The following CATSPERB variants were observed in gnomAD, a reference collection of about 807,000 sequenced individuals.
CATSPERB encodes catsper channel auxiliary subunit beta.
CATSPERB carries 93 observed loss-of-function variants against 128.3 expected under a neutral mutation model. The ratio of observed to expected loss-of-function variants is 0.72; its 90% CI spans 0.61 to 0.86. CATSPERB has a LOEUF of 0.86. Among genes scored for constraint, CATSPERB ranks in the 40% least tolerant of loss-of-function variants. The probability of loss-of-function intolerance (pLI) is 0.00; values close to 1 mark genes in which losing one functional copy is unlikely to be tolerated. For synonymous variants in CATSPERB, 381 were observed against 448.8 expected (o/e 0.85, Z 1.91); for missense variants, 1,153 against 1,329.5 (o/e 0.87, Z 2.06).
At chr14:91,729,926 T>C (rs540925194) in intron 1 of CATSPERB, among the ~76,000 whole-genome samples, 2 of 152,180 alleles carry the variant, frequency 1.3e-5, no homozygotes, top group South Asian at 4.2e-4. Flanking sequence ...AGGCCCTGGA[T>C]GGTGTTCATC....
At chr14:91,617,238 C>T (rs1390636717) in intron 20 of CATSPERB, among the ~76,000 whole-genome samples, 1 of 152,014 alleles carries the variant, frequency 6.6e-6, no homozygotes, top group Non-Finnish European at 1.5e-5. Context: ...TATTAAATTG[C>T]CAAGATTTCA....
At chr14:91,653,926 C>T (rs1342937824) in intron 15 of CATSPERB, among the ~76,000 whole-genome samples, 1 of 152,192 alleles carries the variant, frequency 6.6e-6, no homozygotes, top group African/African-American at 2.4e-5. Flanking sequence ...CAAGTCCTAT[C>T]TAAATGAGGT....
intron 14 of CATSPERB, among the ~76,000 whole-genome samples, chr14:91,669,425 C>G (rs1015864788): frequency 6.6e-6 from 1 of 151,666 alleles, no homozygotes; most frequent in African/African-American, 2.4e-5. Context: ...ACTTAAAGAA[C>G]AACAGAGCCA....
intron 19 of CATSPERB, 54 bp from the exon 20 acceptor site, chr14:91,617,790 T>C (rs1893971625): frequency 1.6e-6 from 2 of 1,245,880 alleles, no homozygotes; most frequent in Admixed American, 4.6e-5. Flanking sequence ...GTAAACTCAA[T>C]TGAATAATGA....
At chr14:91,615,861 T>C (rs1893925899) in intron 20 of CATSPERB, among the ~76,000 whole-genome samples, 2 of 149,944 alleles carry the variant, frequency 1.3e-5, no homozygotes, top group African/African-American at 4.9e-5. Context: ...TTTTAGTTTT[T>C]TGAGGATCAT....
At chr14:91,667,357 A>G (rs1263020758) in intron 14 of CATSPERB, among the ~76,000 whole-genome samples, 1 of 152,126 alleles carries the variant, frequency 6.6e-6, no homozygotes, top group Non-Finnish European at 1.5e-5. Flanking sequence ...AGGCAGGGAA[A>G]TACCAGCAGA....
At chr14:91,625,995 CA>C (rs1365429595) in intron 17 of CATSPERB, among the ~76,000 whole-genome samples, 5 of 152,262 alleles carry the variant, frequency 3.3e-5, no homozygotes, top group African/African-American at 1.2e-4. Flanking sequence ...TATGGTGGCA[CA>C]TGCCTGTAAT....
chr14:91,614,065 C>T (rs935763342), intron 20 of CATSPERB, among the ~76,000 whole-genome samples: 4 of 152,174 alleles, frequency 2.6e-5, no homozygotes, highest in African/African-American at 9.7e-5. Context: ...AATAAACTCC[C>T]TTGCCGCACG....
intron 7 of CATSPERB, among the ~76,000 whole-genome samples, chr14:91,701,886 G>A (rs111985855): frequency 0.015 from 2,247 of 145,692 alleles, 57 homozygotes; most frequent in African/African-American, 0.054. Flanking sequence ...ATTCCAGCCT[G>A]GGCAACAGAG....
intron 7 of CATSPERB, among the ~76,000 whole-genome samples, chr14:91,695,328 G>A (rs1020007533): frequency 2.0e-5 from 3 of 151,898 alleles, no homozygotes; most frequent in African/African-American, 7.3e-5. Flanking sequence ...ACAGGGTTTT[G>A]CCATGTTGGC....
intron 24 of CATSPERB, among the ~76,000 whole-genome samples, chr14:91,588,477 C>T (rs1893342638): frequency 6.6e-6 from 1 of 152,076 alleles, no homozygotes; most frequent in South Asian, 2.1e-4. Flanking sequence ...ATCTCAGGAC[C>T]TCCTTAGTGA....
At chr14:91,650,488 G>GTTC (rs1425001869) in intron 15 of CATSPERB, among the ~76,000 whole-genome samples, 1 of 152,168 alleles carries the variant, frequency 6.6e-6, no homozygotes, top group Non-Finnish European at 1.5e-5. Flanking sequence ...TTTTTTGGAG[G>GTTC]TTCTATATTA....
intron 9 of CATSPERB, among the ~76,000 whole-genome samples, chr14:91,692,491 A>C (rs1895489894): frequency 6.6e-6 from 1 of 152,210 alleles, no homozygotes; most frequent in African/African-American, 2.4e-5. Context: ...GATGGTGAGG[A>C]AGGCTCAGGT....
chr14:91,636,144 C>T (rs1304358760), intron 17 of CATSPERB: 1 of 284,036 alleles, frequency 3.5e-6, no homozygotes, highest in Non-Finnish European at 6.5e-6. Flanking sequence ...GGGTGAATCC[C>T]TTGAGCTCAG....
At chr14:91,648,316 C>T (rs1430775331) in intron 15 of CATSPERB, among the ~76,000 whole-genome samples, 3 of 152,134 alleles carry the variant, frequency 2.0e-5, no homozygotes, top group Non-Finnish European at 2.9e-5. Flanking sequence ...TTTAGCTTGA[C>T]TCAAATGGAA....
chr14:91,583,242 C>T (rs1263424395), intron 26 of CATSPERB, among the ~76,000 whole-genome samples: 1 of 152,188 alleles, frequency 6.6e-6, no homozygotes, highest in Non-Finnish European at 1.5e-5. Context: ...CATGGTGAAA[C>T]CCCATCTCTA....
chr14:91,665,864 A>C (rs955385741), intron 14 of CATSPERB, among the ~76,000 whole-genome samples: 1 of 152,052 alleles, frequency 6.6e-6, no homozygotes, highest in Non-Finnish European at 1.5e-5. Flanking sequence ...CTAACAAAAA[A>C]ACCCACAAAA....
intron 17 of CATSPERB, among the ~76,000 whole-genome samples, chr14:91,625,364 G>A (rs760929634): frequency 3.9e-5 from 6 of 151,970 alleles, no homozygotes; most frequent in Non-Finnish European, 7.4e-5. Flanking sequence ...CTGATTCCAT[G>A]TCTATTATTA....
chr14:91,655,350 A>C (rs1368467317), intron 15 of CATSPERB, among the ~76,000 whole-genome samples: 2 of 152,230 alleles, frequency 1.3e-5, no homozygotes, highest in Non-Finnish European at 2.9e-5. Flanking sequence ...AAGGCACCAG[A>C]GACCGATCTT....
Sources: allele counts gnomAD v4.1 joint callset (sites outside exome capture counted in the v4.1 genomes callset), GRCh38; gene constraint gnomAD v4.1.1; transcripts MANE v1.5; gene names NCBI Gene and HGNC (gene_info 2026-07-23, HGNC 2026-07-21).